CCDC91: variants seen among roughly 807,000 people sequenced by gnomAD.
CCDC91 encodes the protein coiled-coil domain containing 91.
A neutral mutation model predicts 63.2 loss-of-function variants in CCDC91; 48 were observed. That is an observed-to-expected ratio of 0.76 (90% CI 0.60 to 0.97). The LOEUF (loss-of-function observed/expected upper bound fraction) is 0.97, where lower values mean the gene tolerates loss of function less well. Ranked by LOEUF, CCDC91 falls within the 50% of genes least tolerant of loss-of-function variation. The pLI, the probability that CCDC91 is intolerant of heterozygous loss-of-function variation, is 0.00. For missense variants in CCDC91, 500 were observed against 494.6 expected, an observed-to-expected ratio of 1.01 and a Z score of -0.10; for synonymous variants, 167 against 165.8, an observed-to-expected ratio of 1.01 and a Z score of -0.06.
chr12:28,276,926 G>A (rs1437417224), intron 3 of CCDC91, among the ~76,000 whole-genome samples: 2 of 151,836 alleles, frequency 1.3e-5, no homozygotes, highest in African/African-American at 4.8e-5. Context: ...TCAGCTGTTT[G>A]TATTAGGTAT....
chr12:28,266,885 CA>C (rs1037794614), intron 3 of CCDC91, among the ~76,000 whole-genome samples: 1 of 150,886 alleles, frequency 6.6e-6, no homozygotes, highest in African/African-American at 2.4e-5. Context: ...CCCGCCCCAC[CA>C]AAAAAAACCA....
intron 12 of CCDC91, among the ~76,000 whole-genome samples, chr12:28,485,292 GAAATT>G (rs1176956084): frequency 6.6e-6 from 1 of 151,922 alleles, no homozygotes; most frequent in African/African-American, 2.4e-5. Context: ...CTGAGTAGCT[GAAATT>G]ACAGGCGCCT....
intron 1 of CCDC91, among the ~76,000 whole-genome samples, chr12:28,211,060 C>G (rs1943201555): frequency 1.3e-5 from 2 of 149,578 alleles, no homozygotes; most frequent in South Asian, 4.4e-4. Context: ...TAAGGTACCC[C>G]TCTTTATGAC....
chr12:28,312,847 G>A (rs1181974067), intron 6 of CCDC91, among the ~76,000 whole-genome samples: 1 of 151,966 alleles, frequency 6.6e-6, no homozygotes, highest in African/African-American at 2.4e-5. Flanking sequence ...TCTCTTGTCT[G>A]CTGCCATGTG....
At chr12:28,243,596 A>G (rs1945499025) in intron 1 of CCDC91, among the ~76,000 whole-genome samples, 1 of 152,180 alleles carries the variant, frequency 6.6e-6, no homozygotes, top group Non-Finnish European at 1.5e-5. Context: ...ACAATATATG[A>G]AGAATACAGT....
At chr12:28,523,120 G>A (rs1940896596) in intron 12 of CCDC91, among the ~76,000 whole-genome samples, 1 of 152,076 alleles carries the variant, frequency 6.6e-6, no homozygotes, top group African/African-American at 2.4e-5. Context: ...TTCAATTCCT[G>A]GATATCCTTG....
At chr12:28,300,792 G>T (rs1042273074) in intron 3 of CCDC91, among the ~76,000 whole-genome samples, 7 of 151,470 alleles carry the variant, frequency 4.6e-5, no homozygotes, top group Non-Finnish European at 8.9e-5. Flanking sequence ...TCTTTCAGGA[G>T]TGTTTTAAAG....
intron 8 of CCDC91, among the ~76,000 whole-genome samples, chr12:28,434,439 C>G (rs1485246465): frequency 2.0e-5 from 3 of 151,318 alleles, no homozygotes; most frequent in African/African-American, 7.3e-5. Context: ...GTTGAGCTAT[C>G]CTTGCATACC....
intron 3 of CCDC91, among the ~76,000 whole-genome samples, chr12:28,300,027 G>C (rs759259464): frequency 6.6e-6 from 1 of 150,642 alleles, no homozygotes; most frequent in Non-Finnish European, 1.5e-5. Context: ...GTTGTTAGTT[G>C]GTTTTTATAT....
At chr12:28,255,405 G>C (rs1214094480) in intron 1 of CCDC91, among the ~76,000 whole-genome samples, 1 of 152,106 alleles carries the variant, frequency 6.6e-6, no homozygotes, top group African/African-American at 2.4e-5. Flanking sequence ...TAAAGTTGGT[G>C]TTTATAGTTT....
At chr12:28,477,675 C>A (rs1951185098) in intron 11 of CCDC91, among the ~76,000 whole-genome samples, 1 of 152,156 alleles carries the variant, frequency 6.6e-6, no homozygotes, top group African/African-American at 2.4e-5. Context: ...GTCAAATTAT[C>A]CCTGTTTGCA....
intron 1 of CCDC91, among the ~76,000 whole-genome samples, chr12:28,198,781 GTAT>G (rs966059313): frequency 1.3e-5 from 2 of 151,954 alleles, no homozygotes; most frequent in African/African-American, 2.4e-5. Flanking sequence ...GCTTAAGGTA[GTAT>G]TTATGTCTGT....
chr12:28,516,679 G>C (rs911586776), intron 12 of CCDC91, among the ~76,000 whole-genome samples: 1 of 151,868 alleles, frequency 6.6e-6, no homozygotes, highest in Non-Finnish European at 1.5e-5. Flanking sequence ...TCAGGTCAAG[G>C]TGCTGGCATT....
chr12:28,453,642 CTT>C (rs80202574), intron 11 of CCDC91, among the ~76,000 whole-genome samples: 2 of 151,170 alleles, frequency 1.3e-5, no homozygotes, highest in Non-Finnish European at 3.0e-5. Context: ...AGTAGCAGAT[CTT>C]TTTTTTTCTT....
At chr12:28,440,722 TAAAA>T (rs1019851125) in intron 8 of CCDC91, among the ~76,000 whole-genome samples, 2 of 151,446 alleles carry the variant, frequency 1.3e-5, no homozygotes, top group African/African-American at 4.9e-5. Flanking sequence ...AAATCAGTAA[TAAAA>T]AAAGAGAACT....
intron 1 of CCDC91, among the ~76,000 whole-genome samples, chr12:28,252,133 T>C (rs1395232157): frequency 3.3e-5 from 5 of 152,128 alleles, no homozygotes; most frequent in Admixed American, 3.3e-4. Flanking sequence ...TACCTTCCAG[T>C]GATGCTGTTA....
intron 3 of CCDC91, among the ~76,000 whole-genome samples, chr12:28,285,859 T>C (rs919685017): frequency 9.9e-5 from 15 of 151,964 alleles, no homozygotes; most frequent in Admixed American, 9.8e-4. Flanking sequence ...TTTGATCACC[T>C]ATTTGATGAT....
At chr12:28,275,323 C>T (rs1474033467) in intron 3 of CCDC91, among the ~76,000 whole-genome samples, 1 of 152,160 alleles carries the variant, frequency 6.6e-6, no homozygotes, top group Non-Finnish European at 1.5e-5. Flanking sequence ...AAACTACCAT[C>T]AGAGAATACT....
rs555092711 is a variant in CCDC91, at chr12:28,323,674, T to C, written c.576+15925T>C. Among the ~76,000 whole-genome samples, 80 of 152,106 alleles carry C rather than the reference T, an allele frequency of 5.3e-4. No individual in the cohort carries two copies. In the South Asian group the frequency reaches 0.016, roughly 30 times the overall value. On this transcript the variant is annotated intron_variant, in intron 6 of 12. Transcript: ENST00000536442. ...TTTGATAGAAATTTTGTTAAATTCTTAGATGTATAGATGCAAAATTGACAT... is the reference window on the plus strand; with the variant it reads ...TTTGATAGAAATTTTGTTAAATTCTCAGATGTATAGATGCAAAATTGACAT...
Sources: allele counts gnomAD v4.1 joint callset (sites outside exome capture counted in the v4.1 genomes callset), GRCh38; gene constraint gnomAD v4.1.1; transcripts MANE v1.5; gene names NCBI Gene and HGNC (gene_info 2026-07-23, HGNC 2026-07-21).